CFDP1: variants seen among roughly 807,000 people sequenced by gnomAD.
The protein encoded by CFDP1 is chromatin remodeling protein CFDP1, also known as heterochromatin-stabilizing protein CFDP1.
Under a neutral mutation model 40.1 loss-of-function variants are expected in CFDP1, and 31 were observed. That is an observed-to-expected ratio of 0.77 (90% confidence interval 0.58 to 1.04). The LOEUF is 1.04. Among genes scored for constraint, CFDP1 ranks in the 50% least tolerant of loss-of-function variants. The pLI, the probability that CFDP1 is intolerant of heterozygous loss-of-function variation, is 0.00. For synonymous variants in CFDP1, 167 were observed against 120.0 expected, an observed-to-expected ratio of 1.39 and a Z score of -2.56; for missense variants, 423 against 343.4, an observed-to-expected ratio of 1.23 and a Z score of -1.83.
At chr16:75,326,473 C>G (rs1417162099) in intron 5 of CFDP1, among the ~76,000 whole-genome samples, 1 of 152,166 alleles carries the variant, frequency 6.6e-6, no homozygotes, top group Non-Finnish European at 1.5e-5. Flanking sequence ...AGCTAAGCTG[C>G]AGAAAAGATG....
chr16:75,355,542 T>C (rs1474145097), intron 5 of CFDP1, among the ~76,000 whole-genome samples: 1 of 152,238 alleles, frequency 6.6e-6, no homozygotes, highest in African/African-American at 2.4e-5. Context: ...AGTTTTATCA[T>C]AAAATTGAAG....
chr16:75,348,193 T>C (rs1409722495), intron 5 of CFDP1, among the ~76,000 whole-genome samples: 1 of 152,044 alleles, frequency 6.6e-6, no homozygotes, highest in African/African-American at 2.4e-5. Context: ...TTCACAGGAG[T>C]GATCACAGCA....
At chr16:75,374,410 T>C (rs1317375454) in intron 5 of CFDP1, among the ~76,000 whole-genome samples, 7 of 152,194 alleles carry the variant, frequency 4.6e-5, no homozygotes. Flanking sequence ...TTACTCCATT[T>C]ATATAAATAA....
chr16:75,405,681 G>T (rs1463003757), intron 4 of CFDP1, among the ~76,000 whole-genome samples: 2 of 149,884 alleles, frequency 1.3e-5, no homozygotes, highest in Non-Finnish European at 3.0e-5. Context: ...AACCAAGGAG[G>T]TAAAGTTGCA....
chr16:75,405,981 C>T (rs1384865020), intron 4 of CFDP1, among the ~76,000 whole-genome samples: 2 of 151,682 alleles, frequency 1.3e-5, no homozygotes, highest in Non-Finnish European at 2.9e-5. Flanking sequence ...GTGGCTCACA[C>T]CTGTAATCCC....
At chr16:75,299,444 A>T (rs1319818965) in intron 6 of CFDP1, among the ~76,000 whole-genome samples, 1 of 151,364 alleles carries the variant, frequency 6.6e-6, no homozygotes, top group African/African-American at 2.4e-5. Context: ...AAATACAAAA[A>T]ATTAGCCGGG....
chr16:75,433,244 G>A, intron 1 of CFDP1, 45 bp downstream of exon 1: 2 of 1,547,962 alleles, frequency 1.3e-6, no homozygotes, highest in Non-Finnish European at 1.7e-6. Flanking sequence ...CACGTGAGGC[G>A]TGGGGCGGGG....
intron 5 of CFDP1, among the ~76,000 whole-genome samples, chr16:75,390,852 T>G (rs1445152926): frequency 6.6e-6 from 1 of 152,150 alleles, no homozygotes; most frequent in African/African-American, 2.4e-5. Context: ...GGCCTAGGGG[T>G]AGTAATAGAG....
chr16:75,409,024 A>AT (rs1237829958), intron 4 of CFDP1, among the ~76,000 whole-genome samples: 2 of 151,134 alleles, frequency 1.3e-5, no homozygotes, highest in Non-Finnish European at 3.0e-5. Flanking sequence ...CACCTGGCTA[A>AT]TTTTTTTTAT....
intron 5 of CFDP1, among the ~76,000 whole-genome samples, chr16:75,392,511 C>A (rs948366172): frequency 1.3e-5 from 2 of 152,110 alleles, no homozygotes; most frequent in African/African-American, 4.8e-5. Flanking sequence ...ATTCTTTATT[C>A]TTTTGAGACA....
intron 5 of CFDP1, among the ~76,000 whole-genome samples, chr16:75,329,518 C>G (rs1456799372): frequency 6.6e-6 from 1 of 152,012 alleles, no homozygotes; most frequent in Non-Finnish European, 1.5e-5. Flanking sequence ...TTTTAAGAGA[C>G]AAGGTCTCAC....
intron 4 of CFDP1, among the ~76,000 whole-genome samples, chr16:75,407,065 C>T (rs1014774654): frequency 6.6e-6 from 1 of 152,002 alleles, no homozygotes. Flanking sequence ...AAATAATTAG[C>T]TAGGTGTGGT....
intron 2 of CFDP1, 130 bp downstream of exon 2, chr16:75,414,448 A>G: frequency 3.0e-6 from 2 of 660,126 alleles, no homozygotes; most frequent in South Asian, 2.0e-5. Flanking sequence ...AAATAACAGC[A>G]AATGTTTCCC....
At chr16:75,375,096 T>C (rs1404957828) in intron 5 of CFDP1, among the ~76,000 whole-genome samples, 2 of 151,706 alleles carry the variant, frequency 1.3e-5, no homozygotes, top group East Asian at 3.9e-4. Context: ...GAAAATTAAT[T>C]CAAGGTACAA....
At chr16:75,429,577 C>T (rs1446787888) in intron 1 of CFDP1, among the ~76,000 whole-genome samples, 4 of 152,140 alleles carry the variant, frequency 2.6e-5, no homozygotes, top group Non-Finnish European at 4.4e-5. Context: ...CGCTCAAACC[C>T]GGGAGGTGGA....
chr16:75,413,546 CTG>C (rs1316278797), intron 2 of CFDP1, among the ~76,000 whole-genome samples: 1 of 73,686 alleles, frequency 1.4e-5, no homozygotes, highest in African/African-American at 5.4e-5. Flanking sequence ...GGGCGAGACT[CTG>C]TCTCAAAAAA....
At chr16:75,308,937 G>C (rs1249624335) in intron 5 of CFDP1, among the ~76,000 whole-genome samples, 1 of 152,196 alleles carries the variant, frequency 6.6e-6, no homozygotes, top group Non-Finnish European at 1.5e-5. Context: ...AATGTCACCT[G>C]TGCTATTATG....
At chr16:75,412,786 G>T in intron 2 of CFDP1, 32 bp from the exon 3 acceptor site, 1 of 1,565,412 alleles carries the variant, frequency 6.4e-7, no homozygotes, top group Non-Finnish European at 8.8e-7. Flanking sequence ...AAAAAGGAAA[G>T]ACAGCACAAA....
chr16:75,400,656 C>T (rs1218191972), intron 4 of CFDP1, among the ~76,000 whole-genome samples: 1 of 152,142 alleles, frequency 6.6e-6, no homozygotes, highest in East Asian at 1.9e-4. Context: ...TGGCTGAAGT[C>T]CATTCTGAGA....
Sources: gnomAD v4.1 joint callset for allele counts (sites outside exome capture counted in the v4.1 genomes callset) on GRCh38, gnomAD v4.1.1 for gene constraint, MANE v1.5 for transcripts, NCBI Gene and HGNC (gene_info 2026-07-23, HGNC 2026-07-21) for gene names.